Variants in NAE1 observed in about 807,000 individuals in gnomAD.
NAE1 encodes NEDD8 activating enzyme E1 subunit 1, also known as NEDD8-activating enzyme E1 regulatory subunit.
A neutral mutation model predicts 88.0 loss-of-function variants in NAE1; 59 were observed. That is an observed-to-expected ratio of 0.67 (90% confidence interval 0.54 to 0.83). NAE1 has a LOEUF of 0.83. NAE1 is among the 40% of genes least tolerant of loss of function. The pLI, the probability that NAE1 is intolerant of heterozygous loss-of-function variation, is 0.00. For missense variants in NAE1, 554 were observed against 632.8 expected (o/e 0.88, Z 1.34); for synonymous variants, 186 against 208.9 (o/e 0.89, Z 0.95).
Position 66,803,046 on chromosome 16 carries a change from C to T in NAE1, c.1568G>A (p.Ser523Asn). The T allele has an allele frequency of 6.2e-7, 1 of 1,612,148 alleles. No individual in the cohort carries two copies. Among genetic ancestry groups the T allele is most frequent in the Non-Finnish European group, 8.5e-7 (1 of 1,178,566 alleles). Residue 523 changes from serine (S) to asparagine (N), a missense_variant, in exon 20 of 20, where the codon AGT (serine) becomes AAT (asparagine). Ser to Asn is a conservative substitution (Grantham distance 46). Transcript: ENST00000290810. The part of the protein sequence containing the change: ...FVIFNNTYIY[S>N]GMSQTSATFQ... ...AGTTGCTGAAGTTTGTGACATGCCA[C>T]TGTAAATGTAAGTATTATTAAAAAT...
At chr16:66,816,515 A>AT in intron 11 of NAE1, 66 bp downstream of exon 11, 1 of 1,131,296 alleles carries the variant, frequency 8.8e-7, no homozygotes, top group South Asian at 1.3e-5. Flanking sequence ...ATAGTCAACC[A>AT]TTTAATAGCC....
chr16:66,827,553 G>T (rs763269694), intron 1 of NAE1: 2 of 145,756 alleles, frequency 1.4e-5, no homozygotes, highest in Non-Finnish European at 2.9e-5. Context: ...GGGCGACAGA[G>T]CGAGACTCCG....
chr16:66,810,588 C>T, intron 14 of NAE1, 109 bp downstream of exon 14: 2 of 1,134,490 alleles, frequency 1.8e-6, no homozygotes, highest in Middle Eastern at 2.0e-4. Context: ...GAAATGACAG[C>T]TCCCTCTAAA....
chr16:66,823,376 G>C (rs754064576), intron 5 of NAE1, 70 bp from the exon 6 acceptor site: 1 of 1,373,864 alleles, frequency 7.3e-7, no homozygotes, highest in Non-Finnish European at 1.0e-6. Context: ...ACATGGCAGA[G>C]ACAGTTAAGC....
chr16:66,803,453 T>C (rs1447713830), intron 19 of NAE1, among the ~76,000 whole-genome samples: 3 of 152,196 alleles, frequency 2.0e-5, no homozygotes, highest in Non-Finnish European at 4.4e-5. Context: ...CTGAATGCAT[T>C]TGTAATTTAG....
At chr16:66,830,766 C>A (rs1435836149) in intron 1 of NAE1, 81 bp downstream of exon 1, 3 of 1,363,778 alleles carry the variant, frequency 2.2e-6, no homozygotes, top group South Asian at 1.3e-5. Flanking sequence ...AAGGCCCGAC[C>A]GCGCCGCCCG....
chr16:66,826,550 TG>T lies in NAE1; in HGVS notation c.190del (p.Gln64ArgfsTer33). 12 of 1,614,182 alleles carry T rather than the reference TG, an allele frequency of 7.4e-6. No homozygotes were observed. Among genetic ancestry groups the T allele is most frequent in the Non-Finnish European group, 1.0e-5 (12 of 1,180,026 alleles). ...GTTTCCAGCATCTTCTCCGCTGACC[TG>T]ATTTCCATCAATAATTGTAAACGAA... is the stretch of plus-strand genomic sequence containing the variant. ...IGSFTIIDGN[Q>X]VSGEDAGNNF... On this transcript the variant is annotated frameshift_variant, in exon 3 of 20. Transcript: ENST00000290810. LOFTEE classifies it high-confidence loss of function.
chr16:66,805,208 A>C (rs1959515265), intron 19 of NAE1, among the ~76,000 whole-genome samples: 1 of 152,176 alleles, frequency 6.6e-6, no homozygotes, highest in Non-Finnish European at 1.5e-5. Context: ...CAAGGCTGGA[A>C]AGGCCGAGTG....
Position 66,816,899 on chromosome 16 carries a change from T to C in NAE1, c.748+66A>G, listed in dbSNP as rs995020203. 3.3e-5 allele frequency: 51 copies of C among 1,546,590 alleles called. No homozygotes were observed. In the African/African-American group the frequency reaches 4.5e-4, roughly 13 times the overall value. ...GACAAAGGTGTTAACAGAAATCCAA[T>C]AAGTACCTGCCTCTAGCAATTTGCT... On this transcript the variant is annotated intron_variant, in intron 10 of 19. Coordinates refer to ENST00000290810, the MANE Select transcript of NAE1 (RefSeq NM_003905.4).
intron 3 of NAE1, 194 bp downstream of exon 3, chr16:66,826,329 G>A: frequency 3.4e-6 from 2 of 589,040 alleles, no homozygotes; most frequent in South Asian, 4.1e-5. Context: ...AGTAATGATG[G>A]GTAACATTTA....
chr16:66,825,024 G>A, intron 3 of NAE1, 139 bp from the exon 4 acceptor site: 1 of 487,284 alleles, frequency 2.1e-6, no homozygotes, highest in Non-Finnish European at 3.4e-6. Context: ...CCTTCCTGGA[G>A]GAAGAAAATC....
chr16:66,816,000 CT>C (rs988237206), intron 11 of NAE1, among the ~76,000 whole-genome samples: 14 of 152,292 alleles, frequency 9.2e-5, no homozygotes, highest in African/African-American at 3.4e-4. Context: ...GCAACACTGC[CT>C]TGTTGTCTCT....
In NAE1 at chr16:66,808,579, C is replaced by T. The variant is rs1288091749; in HGVS notation, c.1272G>A (p.Val424=). The T allele has an allele frequency of 1.9e-6, 3 of 1,608,042 alleles. No homozygotes were observed. The highest frequency in any genetic ancestry group is 1.1e-5 in the South Asian group (1 of 90,268). ...CAACAGCCCGTAACATTAAGTACAA[C>T]ACTATTTCATTATCTGGATTGTCCA... ...SSMDNPDNEI[V]LYLMLRAVDR... Residue 424 remains valine (V), a synonymous_variant, in exon 17 of 20, where the codon GTG becomes GTA. Transcript: ENST00000290810.
chr16:66,808,629 A>T lies in NAE1; in HGVS notation c.1238-16T>A, dbSNP rs1382048876. Reference sequence around the variant, plus strand: ...ATGCTAGAAACTGAAAGGAAAAAAAATTTCAGTTTAATTTGGTTAATTTGC... The same window carrying T: ...ATGCTAGAAACTGAAAGGAAAAAAATTTTCAGTTTAATTTGGTTAATTTGC... On this transcript the variant is annotated splice_polypyrimidine_tract_variant and intron_variant, in intron 16 of 19. Transcript: ENST00000290810. 5.8e-6 allele frequency: 9 copies of T among 1,555,222 alleles called. No homozygotes were observed. Among genetic ancestry groups the T allele is most frequent in the South Asian group, 2.3e-5 (2 of 87,616 alleles).
chr16:66,818,779 T>G, intron 7 of NAE1, 142 bp from the exon 8 acceptor site: 244 of 1,085,722 alleles, frequency 2.2e-4, no homozygotes, highest in Middle Eastern at 3.2e-4. Context: ...GAAGGGATCC[T>G]CCCACCTCAG....
intron 6 of NAE1, among the ~76,000 whole-genome samples, chr16:66,822,738 T>C (rs948162569): frequency 6.7e-6 from 1 of 149,138 alleles, no homozygotes; most frequent in African/African-American, 2.4e-5. Context: ...GCACGATCTT[T>C]GGCTCACTGC....
chr16:66,810,512 C>G (rs761832532), intron 14 of NAE1, 99 bp from the exon 15 acceptor site: 10 of 1,216,346 alleles, frequency 8.2e-6, no homozygotes, highest in Non-Finnish European at 1.1e-5. Flanking sequence ...AAGGCTTTCT[C>G]CAAGAGCTGG....
chr16:66,819,532 G>T (rs1321413381), intron 7 of NAE1, among the ~76,000 whole-genome samples: 1 of 152,156 alleles, frequency 6.6e-6, no homozygotes, highest in Non-Finnish European at 1.5e-5. Flanking sequence ...AGATATTAAA[G>T]TATCTACAGA....
intron 11 of NAE1, among the ~76,000 whole-genome samples, chr16:66,815,233 A>T (rs147576310): frequency 1.0e-3 from 158 of 152,336 alleles, no homozygotes; most frequent in African/African-American, 3.7e-3. Flanking sequence ...TTTTATATTC[A>T]GTGAAATACA....
Sources: gnomAD v4.1 joint callset for allele counts (sites outside exome capture counted in the v4.1 genomes callset) on GRCh38, gnomAD v4.1.1 for gene constraint, MANE v1.5 for transcripts, NCBI Gene and HGNC (gene_info 2026-07-23, HGNC 2026-07-21) for gene names.